The following COPG1 variants were observed in gnomAD, a reference collection of about 807,000 sequenced individuals.
COPG1 encodes coatomer subunit gamma-1.
Under a neutral mutation model 102.8 loss-of-function variants are expected in COPG1, and 29 were observed. The ratio of observed to expected loss-of-function variants is 0.28; its 90% CI spans 0.21 to 0.38. The LOEUF (loss-of-function observed/expected upper bound fraction) is 0.38. COPG1 is among the 10% of genes least tolerant of loss of function. The pLI is 1.00. For missense variants in COPG1, 875 were observed against 1,132.7 expected (o/e 0.77, Z 3.27); for synonymous variants, 406 against 421.6 (o/e 0.96, Z 0.45).
Position 129,252,340 on chromosome 3 carries a change from G to T in COPG1, c.150G>T (p.Lys50Asn). The stretch of plus-strand genomic sequence containing the variant: ...GGAAATGTGCCCACATCCTCACCAA[G>T]ATTCTTTATCTCATAAACCAGGTAA... ...NPRKCAHILT[K>N]ILYLINQGEH... The change falls in exon 3 of 24, where the codon AAG becomes AAT. Residue 50 changes from lysine (K) to asparagine (N), a missense_variant. Lys to Asn is a moderately conservative substitution (Grantham distance 94, BLOSUM62 0). Coordinates refer to ENST00000314797, the MANE Select transcript of COPG1 (RefSeq NM_016128.4). The T allele has an allele frequency of 6.2e-7, 1 of 1,612,304 alleles. No individual in the cohort carries two copies. Among genetic ancestry groups the T allele is most frequent in the East Asian group, 2.2e-5 (1 of 44,876 alleles).
rs1940293543 is a variant in COPG1, at chr3:129,277,303, G to C, written c.2504G>C (p.Arg835Pro). The C allele has an allele frequency of 6.2e-7, 1 of 1,613,780 alleles. No individual in the cohort carries two copies. The highest frequency in any genetic ancestry group is 2.2e-5 in the East Asian group (1 of 44,868). ...THTLLLAGVF[R>P]GGHDILVRSR... is the part of the protein sequence containing the mutation. ...CTCTCTTCCCTTCTAGGTGTGTTCC[G>C]GGGTGGTCATGACATCCTGGTGCGC... Residue 835 changes from arginine (R) to proline (P), a missense_variant, in exon 24 of 24, where the codon CGG becomes CCG. By Grantham distance (103) the Arg-to-Pro change is moderately radical (BLOSUM62 -2). Coordinates refer to ENST00000314797, the MANE Select transcript of COPG1 (RefSeq NM_016128.4).
At chr3:129,255,982 G>A in intron 7 of COPG1, 86 bp from the exon 8 acceptor site, 1 of 1,158,040 alleles carries the variant, frequency 8.6e-7, no homozygotes, top group Non-Finnish European at 1.3e-6. Flanking sequence ...CCCCTGAGCT[G>A]TGTCTGAGGG....
chr3:129,264,983 G>A (rs956519776), intron 13 of COPG1, among the ~76,000 whole-genome samples: 3 of 151,494 alleles, frequency 2.0e-5, no homozygotes, highest in Non-Finnish European at 4.4e-5. Context: ...CACCACGCCC[G>A]GCTAATTTTT....
At chr3:129,264,997 A>G (rs1940023845) in intron 13 of COPG1, among the ~76,000 whole-genome samples, 1 of 150,946 alleles carries the variant, frequency 6.6e-6, no homozygotes, top group Non-Finnish European at 1.5e-5. Flanking sequence ...AATTTTTTAT[A>G]TTTAGTAGAG....
At chr3:129,266,815 A>C (rs1940069256) in intron 14 of COPG1, among the ~76,000 whole-genome samples, 1 of 152,146 alleles carries the variant, frequency 6.6e-6, no homozygotes, top group South Asian at 2.1e-4. Flanking sequence ...GCCCTTCTCC[A>C]TTAAATAGAT....
rs112415502 is a variant in COPG1 at position 129,267,423 on chromosome 3, C to T, written c.1544+324C>T. On this transcript the variant is annotated intron_variant, in intron 15 of 23. Transcript: ENST00000314797. The stretch of plus-strand genomic sequence containing the variant: ...GATCACAAGGTCAGGAGATTGAGAC[C>T]GTCCTGGCTAACACGCTGAAACCCC... Among the ~76,000 whole-genome samples, 516 of 152,222 alleles carry T rather than the reference C, an allele frequency of 3.4e-3. 1 individual carries two copies. Among genetic ancestry groups the T allele is most frequent in the African/African-American group, 0.011 (476 of 41,530 alleles).
At position 129,268,535 on chromosome 3, in the gene COPG1, G is replaced by A; in HGVS notation, c.1689G>A (p.Gln563=). The A allele has an allele frequency of 6.2e-7, 1 of 1,614,196 alleles. No individual in the cohort carries two copies. The highest frequency in any genetic ancestry group is 2.2e-5 in the East Asian group (1 of 44,882). ...VSIPGLERAL[Q]QYTLEPSEKP... ...TCCCTGGTCTGGAGAGGGCTCTGCA[G>A]CAGTACACTCTAGAACCATCAGAAA... Residue 563 remains glutamine, a synonymous_variant, in exon 17 of 24, where the codon CAG becomes CAA. Coordinates refer to ENST00000314797, the MANE Select transcript of COPG1 (RefSeq NM_016128.4).
intron 13 of COPG1, 107 bp from the exon 14 acceptor site, chr3:129,265,442 C>T (rs1940032878): frequency 7.2e-7 from 1 of 1,398,040 alleles, no homozygotes; most frequent in Non-Finnish European, 9.7e-7. Flanking sequence ...AACCAAGTGC[C>T]CTGTCTCCAA....
intron 6 of COPG1, 85 bp from the exon 7 acceptor site, chr3:129,254,900 A>C: frequency 8.1e-7 from 1 of 1,241,256 alleles, no homozygotes; most frequent in South Asian, 1.2e-5. Context: ...TCCTCCTCAT[A>C]CTCATCTCTG....
chr3:129,262,972 G>A (rs1428180342), intron 12 of COPG1, among the ~76,000 whole-genome samples: 1 of 143,422 alleles, frequency 7.0e-6, no homozygotes, highest in Non-Finnish European at 1.5e-5. Flanking sequence ...GCAGTAAGCC[G>A]AGATCGTGCC....
chr3:129,251,949 T>G (rs1451277357), intron 2 of COPG1, among the ~76,000 whole-genome samples: 1 of 152,260 alleles, frequency 6.6e-6, no homozygotes, highest in Non-Finnish European at 1.5e-5. Context: ...CCTCCCAAAG[T>G]GCTAGGATTA....
chr3:129,252,723 G>A (rs1465427198), intron 4 of COPG1, 29 bp downstream of exon 4: 1 of 1,604,768 alleles, frequency 6.2e-7, no homozygotes, highest in Non-Finnish European at 8.5e-7. Context: ...CTTTCCTTGA[G>A]AGGTGGCAGC....
At chr3:129,265,912 T>C (rs1041837232) in intron 14 of COPG1, 120 bp downstream of exon 14, 10 of 968,772 alleles carry the variant, frequency 1.0e-5, no homozygotes, top group Non-Finnish European at 1.5e-5. Context: ...GCACAAGCTG[T>C]TTTTCATAAT....
intron 17 of COPG1, 49 bp downstream of exon 17, chr3:129,268,669 G>C: frequency 6.2e-7 from 1 of 1,603,518 alleles, no homozygotes; most frequent in Non-Finnish European, 8.5e-7. Flanking sequence ...GCCTCTGTTG[G>C]AGGGTCTGCA....
intron 8 of COPG1, among the ~76,000 whole-genome samples, chr3:129,256,831 A>C (rs1939820237): frequency 6.6e-6 from 1 of 152,250 alleles, no homozygotes; most frequent in Non-Finnish European, 1.5e-5. Context: ...TCCCACATAG[A>C]AGGCTTCCAC....
Position 129,269,272 on chromosome 3 carries a change from G to A in COPG1, c.1843+272G>A, listed in dbSNP as rs1008716736. On this transcript the variant is annotated intron_variant, in intron 18 of 23. Coordinates refer to ENST00000314797, the MANE Select transcript of COPG1 (RefSeq NM_016128.4). ...CTGTTACTGGGCCTCAATTTGGAGG[G>A]CTCGGGTCCCTGGAGCCCAGGCCAG... is the stretch of plus-strand genomic sequence containing the variant. 3.9e-5 allele frequency among the ~76,000 whole-genome samples: 6 copies of A among 152,296 alleles called. No individual in the cohort carries two copies. In the South Asian group the frequency reaches 6.2e-4, roughly 16 times the overall value.
At chr3:129,273,266 C>T (rs1388235648) in intron 21 of COPG1, among the ~76,000 whole-genome samples, 3 of 152,214 alleles carry the variant, frequency 2.0e-5, no homozygotes, top group African/African-American at 7.2e-5. Context: ...TCAGGTGATC[C>T]ACCTACCTTG....
In COPG1 at chr3:129,272,427, T is replaced by C. The variant is rs1315803988; in HGVS notation, c.2158+12T>C. 1 of 1,608,580 alleles carries C rather than the reference T, an allele frequency of 6.2e-7. No individual in the cohort carries two copies. Among genetic ancestry groups the C allele is most frequent in the Non-Finnish European group, 8.5e-7 (1 of 1,177,140 alleles). On this transcript the variant is annotated intron_variant, in intron 20 of 23. Coordinates refer to ENST00000314797, the MANE Select transcript of COPG1 (RefSeq NM_016128.4). Reference sequence around the variant, plus strand: ...AGACCCCACAGCTGGTGAGCCCCTCTCCAGATACCACCCTATCCTCCTGGG... The same window carrying C: ...AGACCCCACAGCTGGTGAGCCCCTCCCCAGATACCACCCTATCCTCCTGGG...
Position 129,250,752 on chromosome 3 carries a change from C to A in COPG1, c.90+18C>A. 1 of 1,608,494 alleles carries A rather than the reference C, an allele frequency of 6.2e-7. No homozygotes were observed. Reference sequence around the variant, plus strand: ...TCCAGGAGGCAAGTGACATTTGCTCCCCTCTAGCTTCCATCATAAATATTC... The same window carrying A: ...TCCAGGAGGCAAGTGACATTTGCTCACCTCTAGCTTCCATCATAAATATTC... On this transcript the variant is annotated intron_variant, in intron 2 of 23. Transcript: ENST00000314797.
Sources: allele counts gnomAD v4.1 joint callset (sites outside exome capture counted in the v4.1 genomes callset), GRCh38; gene constraint gnomAD v4.1.1; transcripts MANE v1.5; gene names NCBI Gene and HGNC (gene_info 2026-07-23, HGNC 2026-07-21).